NPAS3: variants seen among roughly 807,000 people sequenced by gnomAD.
NPAS3 encodes neuronal PAS domain protein 3.
Under a neutral mutation model 73.1 loss-of-function variants are expected in NPAS3, and 14 were observed. The ratio of observed to expected loss-of-function variants is 0.19; its 90% CI spans 0.13 to 0.30. The LOEUF is 0.30. Ranked by LOEUF, NPAS3 falls within the 10% of genes least tolerant of loss-of-function variation. The probability of loss-of-function intolerance (pLI) is 1.00; values close to 1 mark genes in which losing one functional copy is unlikely to be tolerated. For synonymous variants in NPAS3, 620 were observed against 541.5 expected (o/e 1.14, Z -2.01); for missense variants, 1,096 against 1,250.0 (o/e 0.88, Z 1.86).
chr14:33,027,024 C>G (rs1344977880), intron 1 of NPAS3, among the ~76,000 whole-genome samples: 1 of 152,142 alleles, frequency 6.6e-6, no homozygotes, highest in African/African-American at 2.4e-5. Context: ...ATGTGATGTG[C>G]TTCATGCCCT....
intron 1 of NPAS3, among the ~76,000 whole-genome samples, chr14:33,051,143 G>A (rs568575689): frequency 1.5e-4 from 23 of 151,150 alleles, no homozygotes; most frequent in Non-Finnish European, 2.8e-4. Context: ...GCGCGGTGGC[G>A]GGCGCCTGTA....
chr14:33,147,730 A>AAAAAATATATATAT (rs372663411), intron 2 of NPAS3, among the ~76,000 whole-genome samples: 78 of 130,354 alleles, frequency 6.0e-4, no homozygotes, highest in African/African-American at 2.4e-3. Flanking sequence ...TAGAATAAAA[A>AAAAAATATATATAT]ATATATATAT....
At chr14:33,271,948 A>G (rs906968288) in intron 3 of NPAS3, among the ~76,000 whole-genome samples, 6 of 152,168 alleles carry the variant, frequency 3.9e-5, no homozygotes, top group Admixed American at 6.5e-5. Context: ...TGTTATTACT[A>G]TGATATTGTT....
At chr14:33,216,775 C>A (rs1046023011) in intron 3 of NPAS3, among the ~76,000 whole-genome samples, 3 of 152,164 alleles carry the variant, frequency 2.0e-5, no homozygotes, top group African/African-American at 7.2e-5. Context: ...AAGACCACTG[C>A]TCTAGAGTGT....
rs145804630 is a variant in NPAS3, at chr14:33,287,240, C to T, written c.385+71814C>T. ...TATTGTATGGGCATCTTGCTGCAAGCTCATTTTGTTGTTAAACATGAAGTT... is the reference window on the plus strand; with the variant it reads ...TATTGTATGGGCATCTTGCTGCAAGTTCATTTTGTTGTTAAACATGAAGTT... On this transcript the variant is annotated intron_variant, in intron 3 of 11. Coordinates refer to ENST00000356141, the Ensembl canonical transcript of NPAS3. Among the ~76,000 whole-genome samples the T allele has an allele frequency of 6.0e-3, 910 of 152,212 alleles. 7 individuals carry two copies. The highest frequency in any genetic ancestry group is 0.021 in the African/African-American group (871 of 41,526).
chr14:33,779,039 C>T (rs1297045212), intron 9 of NPAS3, among the ~76,000 whole-genome samples: 2 of 152,208 alleles, frequency 1.3e-5, no homozygotes, highest in Non-Finnish European at 2.9e-5. Flanking sequence ...GGGCAGAGCA[C>T]GTTCTTTAGA....
chr14:33,069,917 A>G (rs2041425420), intron 2 of NPAS3, among the ~76,000 whole-genome samples: 1 of 152,210 alleles, frequency 6.6e-6, no homozygotes, highest in African/African-American at 2.4e-5. Flanking sequence ...AAAATGACAG[A>G]GAATTGCATT....
At chr14:33,353,156 T>TA (rs35112023) in intron 3 of NPAS3, among the ~76,000 whole-genome samples, 16,002 of 146,770 alleles carry the variant, frequency 0.11, 895 homozygotes, top group East Asian at 0.16. Context: ...ATGGCTTCTG[T>TA]AAAAAAAAAA....
chr14:33,377,926 G>A lies in NPAS3; in HGVS notation c.468+10658G>A, dbSNP rs181440675. ...GGACTGCAGAAAATACTGAGATATGGATAATGAGTGATGATTTTGCCTCTC... is the reference window on the plus strand; with the variant it reads ...GGACTGCAGAAAATACTGAGATATGAATAATGAGTGATGATTTTGCCTCTC... On this transcript the variant is annotated intron_variant, in intron 4 of 11. Coordinates refer to ENST00000356141, the Ensembl canonical transcript of NPAS3. Among the ~76,000 whole-genome samples the A allele has an allele frequency of 4.3e-3, 658 of 152,258 alleles. 3 individuals carry two copies. The highest frequency in any genetic ancestry group is 7.0e-3 in the Non-Finnish European group (475 of 68,020).
intron 1 of NPAS3, among the ~76,000 whole-genome samples, chr14:32,987,871 T>A (rs1320478103): frequency 2.0e-5 from 3 of 152,184 alleles, no homozygotes; most frequent in Non-Finnish European, 4.4e-5. Flanking sequence ...TTTCTTATAC[T>A]TGGATTAAGT....
intron 4 of NPAS3, among the ~76,000 whole-genome samples, chr14:33,552,983 A>G (rs1328875437): frequency 6.6e-6 from 1 of 152,182 alleles, no homozygotes; most frequent in Non-Finnish European, 1.5e-5. Context: ...TAGAATAACT[A>G]TTGGAATCCT....
chr14:33,313,789 T>A (rs1337610098), intron 3 of NPAS3, among the ~76,000 whole-genome samples: 2 of 152,098 alleles, frequency 1.3e-5, no homozygotes, highest in African/African-American at 4.8e-5. Context: ...TACCAGAGAA[T>A]CATGTTCACT....
intron 4 of NPAS3, among the ~76,000 whole-genome samples, chr14:33,482,323 A>G (rs888183146): frequency 3.3e-5 from 5 of 152,128 alleles, no homozygotes; most frequent in Admixed American, 3.3e-4. Context: ...CTTGTATGTT[A>G]TCTTTTAAAT....
intron 6 of NPAS3, among the ~76,000 whole-genome samples, chr14:33,704,663 C>T (rs2060610032): frequency 6.6e-6 from 1 of 152,146 alleles, no homozygotes; most frequent in Non-Finnish European, 1.5e-5. Context: ...TTTCTCAACA[C>T]CTTTCCACAT....
At chr14:33,373,233 A>G (rs561176730) in intron 4 of NPAS3, among the ~76,000 whole-genome samples, 1 of 152,290 alleles carries the variant, frequency 6.6e-6, no homozygotes, top group Admixed American at 6.5e-5. Flanking sequence ...TGCTTACATA[A>G]TTGTTATATA....
intron 6 of NPAS3, among the ~76,000 whole-genome samples, chr14:33,699,343 A>G (rs946930996): frequency 1.3e-5 from 2 of 152,210 alleles, no homozygotes; most frequent in African/African-American, 4.8e-5. Context: ...TTGTGATGAA[A>G]ACAACCCTGC....
chr14:33,412,206 C>T (rs1700495002), intron 4 of NPAS3, among the ~76,000 whole-genome samples: 2 of 152,102 alleles, frequency 1.3e-5, no homozygotes, highest in South Asian at 4.1e-4. Context: ...GCAACCTCCA[C>T]CTCCCAGGCT....
intron 5 of NPAS3, among the ~76,000 whole-genome samples, chr14:33,570,835 C>T (rs2056178384): frequency 6.6e-6 from 1 of 152,072 alleles, no homozygotes; most frequent in Non-Finnish European, 1.5e-5. Context: ...TCAGATAGTG[C>T]CTTTTAAAAT....
chr14:33,205,670 G>A (rs2046794984), intron 2 of NPAS3, among the ~76,000 whole-genome samples: 1 of 152,166 alleles, frequency 6.6e-6, no homozygotes, highest in Admixed American at 6.5e-5. Context: ...AGTGATCTCT[G>A]TTTCACAAAG....
Sources: allele counts gnomAD v4.1 joint callset (sites outside exome capture counted in the v4.1 genomes callset), GRCh38; gene constraint gnomAD v4.1.1; transcripts MANE v1.5; gene names NCBI Gene and HGNC (gene_info 2026-07-23, HGNC 2026-07-21).